The following ALG8 variants were observed in gnomAD, a reference collection of about 807,000 sequenced individuals.
The protein encoded by ALG8 is dolichyl pyrophosphate Glc1Man9GlcNAc2 alpha-1,3-glucosyltransferase.
A neutral mutation model predicts 70.2 loss-of-function variants in ALG8; 48 were observed. The ratio of observed to expected loss-of-function variants is 0.68; its 90% CI spans 0.54 to 0.87. ALG8 has a LOEUF of 0.87. ALG8 is among the 40% of genes least tolerant of loss of function. The pLI, the probability that ALG8 is intolerant of heterozygous loss-of-function variation, is 0.00. For synonymous variants in ALG8, 234 were observed against 229.0 expected (o/e 1.02, Z -0.20); for missense variants, 572 against 608.7 (o/e 0.94, Z 0.64).
Position 78,104,032 on chromosome 11 carries a change from G to T in ALG8, c.1297C>A (p.Leu433Ile). 6.6e-7 allele frequency: 1 copy of T among 1,507,416 alleles called. No homozygotes were observed. The highest frequency in any genetic ancestry group is 9.2e-7 in the Non-Finnish European group (1 of 1,087,164). 93.4% of individuals were successfully genotyped at this position (1,507,416 alleles called of 1,614,324 possible). A position where few individuals can be genotyped will look rare whatever the true frequency, so the allele number is the denominator to read the frequency against. ...TAPELPIKIL[L>I]MLLFTIYSIS... ...CTATATATGGTGAATAGTAACATGA[G>T]TAAGATTTTAATGGGAAGTTCTGTT... Residue 433 changes from leucine (L) to isoleucine (I), a missense_variant, in exon 12 of 13, where the codon CTC becomes ATC. Transcript: ENST00000299626.
At chr11:78,136,520 G>C (rs907919536) in intron 1 of ALG8, among the ~76,000 whole-genome samples, 3 of 151,982 alleles carry the variant, frequency 2.0e-5, no homozygotes, top group Non-Finnish European at 2.9e-5. Context: ...CTGGGAGATA[G>C]AGCGAGACCC....
chr11:78,124,041 G>C lies in ALG8; in HGVS notation c.348C>G (p.Leu116=), dbSNP rs748508140. 1 of 1,614,052 alleles carries C rather than the reference G, an allele frequency of 6.2e-7. No homozygotes were observed. The highest frequency in any genetic ancestry group is 1.1e-5 in the South Asian group (1 of 91,064). The change falls in exon 3 of 13, where the codon CTC becomes CTG. Residue 116 remains leucine, a synonymous_variant. Transcript: ENST00000299626. The part of the protein sequence containing the change: ...QRFSVIFMDV[L]FVYAVRECCK... ...CTTACTCACGGACAGCATACACAAA[G>C]AGTACATCCATAAAGATGACGGAAA...
intron 1 of ALG8, 69 bp from the exon 2 acceptor site, chr11:78,127,505 A>T: frequency 7.6e-7 from 1 of 1,316,116 alleles, no homozygotes. Flanking sequence ...TCCCATAGTT[A>T]TGCTTTTAAA....
intron 10 of ALG8, 84 bp downstream of exon 10, chr11:78,106,723 C>T: frequency 1.3e-6 from 2 of 1,579,070 alleles, no homozygotes; most frequent in South Asian, 2.2e-5. Context: ...TCCTGGTGAA[C>T]ATGACAAGAA....
chr11:78,139,184 G>T, intron 1 of ALG8: 1 of 423,028 alleles, frequency 2.4e-6, no homozygotes, highest in Non-Finnish European at 4.4e-6. Flanking sequence ...TGGCACCTCA[G>T]GCATCTGATA....
In ALG8 at chr11:78,101,029, C is replaced by T. The variant is rs149692072; in HGVS notation, c.1516G>A (p.Ala506Thr). 2.1e-4 allele frequency: 335 copies of T among 1,614,190 alleles called. 4 individuals carry two copies. The Middle Eastern group carries it at 2.8e-3, about 14-fold the overall frequency. ...SVYCAVGITYAWFKLYVSVLI... is the reference protein window; with the variant it reads ...SVYCAVGITYTWFKLYVSVLI... ...ACTGAAACATACAGTTTGAACCAAG[C>T]ATATGTGATGCCTACTGCACAATAC... is the stretch of plus-strand genomic sequence containing the variant. Residue 506 changes from alanine to threonine, a missense_variant, in exon 13 of 13, where the codon GCT becomes ACT. Ala to Thr is a moderately conservative substitution (Grantham distance 58, BLOSUM62 0). Transcript: ENST00000299626.
At chr11:78,139,195 A>G (rs1861688283) in intron 1 of ALG8, 1 of 443,476 alleles carries the variant, frequency 2.3e-6, no homozygotes, top group Non-Finnish European at 4.2e-6. Context: ...GCATCTGATA[A>G]TACTGGCTGA....
At chr11:78,139,164 G>A in intron 1 of ALG8, 1 of 398,812 alleles carries the variant, frequency 2.5e-6, no homozygotes, top group South Asian at 2.3e-5. Context: ...CCGGGAGTTA[G>A]AACGGTACCT....
At chr11:78,103,832 G>A (rs992237882) in intron 12 of ALG8, 148 bp downstream of exon 12, 1 of 520,268 alleles carries the variant, frequency 1.9e-6, no homozygotes, top group South Asian at 2.4e-5. Context: ...ATGGGATTGA[G>A]TGATTTCTCC....
intron 1 of ALG8, among the ~76,000 whole-genome samples, chr11:78,132,730 T>C (rs1373404940): frequency 6.6e-6 from 1 of 152,134 alleles, no homozygotes; most frequent in East Asian, 1.9e-4. Context: ...ATTCACACTT[T>C]AGGCCTCCAA....
intron 10 of ALG8, among the ~76,000 whole-genome samples, chr11:78,105,769 C>T (rs1039555981): frequency 3.3e-5 from 5 of 150,694 alleles, no homozygotes; most frequent in South Asian, 2.1e-4. Flanking sequence ...AGTGCAGTGG[C>T]GCCATCTTGG....
intron 1 of ALG8, among the ~76,000 whole-genome samples, chr11:78,132,691 A>G (rs1861354913): frequency 1.3e-5 from 2 of 152,164 alleles, no homozygotes; most frequent in Admixed American, 6.5e-5. Flanking sequence ...ACTTGCACAC[A>G]CCACATACTC....
chr11:78,133,247 A>G (rs1283482634), intron 1 of ALG8, among the ~76,000 whole-genome samples: 4 of 152,184 alleles, frequency 2.6e-5, no homozygotes, highest in Non-Finnish European at 4.4e-5. Flanking sequence ...GCTAGGGATC[A>G]TATCTATTTT....
chr11:78,112,511 G>T, intron 8 of ALG8, 139 bp downstream of exon 8: 5 of 1,307,552 alleles, frequency 3.8e-6, no homozygotes, highest in Non-Finnish European at 4.3e-6. Context: ...TGCTCCCCCT[G>T]TTCATCCTGA....
At chr11:78,107,097 C>T (rs1860066918) in intron 9 of ALG8, 151 bp from the exon 10 acceptor site, 1 of 1,031,026 alleles carries the variant, frequency 9.7e-7, no homozygotes, top group East Asian at 2.7e-5. Context: ...ACTTTGTGCA[C>T]AGTCTAACAA....
chr11:78,118,127 GT>G (rs1860662520), intron 5 of ALG8, among the ~76,000 whole-genome samples: 1 of 151,754 alleles, frequency 6.6e-6, no homozygotes, highest in Non-Finnish European at 1.5e-5. Flanking sequence ...TAGTAGCCAT[GT>G]ATTTGAGTAA....
In ALG8 at chr11:78,139,519, G is replaced by C; in HGVS notation, c.70C>G (p.Leu24Val). Residue 24 changes from leucine to valine, a missense_variant, in exon 1 of 13, where the codon CTC becomes GTC. Physicochemically the swap from Leu to Val is conservative, Grantham distance 32. Coordinates refer to ENST00000299626, the MANE Select transcript of ALG8 (RefSeq NM_024079.5). ...TATGTGGGGATGAGAAGGCATTTGA[G>C]AAGAGTCACCCCGAGCGCCAAAGCC... is the stretch of plus-strand genomic sequence containing the variant. ...FSALALGVTL[L>V]KCLLIPTYHS... 1 of 1,562,496 alleles carries C rather than the reference G, an allele frequency of 6.4e-7. No homozygotes were observed. Among genetic ancestry groups the C allele is most frequent in the Non-Finnish European group, 8.7e-7 (1 of 1,152,828 alleles).
intron 7 of ALG8, among the ~76,000 whole-genome samples, chr11:78,112,995 AC>A (rs1426652595): frequency 4.6e-5 from 7 of 152,262 alleles, no homozygotes; most frequent in African/African-American, 1.4e-4. Context: ...TACTCTGAAT[AC>A]CCGTCCATAC....
chr11:78,128,612 C>CTT lies in ALG8; in HGVS notation c.96-1178_96-1177dup, dbSNP rs369506357. 9.0e-4 allele frequency among the ~76,000 whole-genome samples: 124 copies of CTT among 137,896 alleles called. 2 individuals carry two copies. Among genetic ancestry groups the CTT allele is most frequent in the African/African-American group, 2.5e-3 (90 of 36,288 alleles). The allele number at this position is 137,896 out of a possible 152,430, so 90.5% of individuals were successfully genotyped here. Reference sequence around the variant, plus strand: ...TTGTATAATGATGACTCCCAAATTACTTTTTTTTTTTTTTTTGGAGACGGA... The same window carrying CTT: ...TTGTATAATGATGACTCCCAAATTACTTTTTTTTTTTTTTTTTTGGAGACGGA... On this transcript the variant is annotated intron_variant, in intron 1 of 12. Coordinates refer to ENST00000299626, the MANE Select transcript of ALG8 (RefSeq NM_024079.5).
Sources: gnomAD v4.1 joint callset for allele counts (sites outside exome capture counted in the v4.1 genomes callset) on GRCh38, gnomAD v4.1.1 for gene constraint, MANE v1.5 for transcripts, NCBI Gene and HGNC (gene_info 2026-07-23, HGNC 2026-07-21) for gene names.